NMNAT3: variants seen among roughly 807,000 people sequenced by gnomAD.
The protein encoded by NMNAT3 is nicotinamide nucleotide adenylyltransferase 3, also known as nicotinamide/nicotinic acid mononucleotide adenylyltransferase 3.
NMNAT3 carries 21 observed loss-of-function variants against 24.8 expected under a neutral mutation model. The ratio of observed to expected loss-of-function variants is 0.85; its 90% CI spans 0.60 to 1.22. The LOEUF (loss-of-function observed/expected upper bound fraction) is 1.22. Ranked by LOEUF, NMNAT3 falls within the 50% of genes most tolerant of loss-of-function variation. The pLI, the probability that NMNAT3 is intolerant of heterozygous loss-of-function variation, is 0.00. For missense variants in NMNAT3, 387 were observed against 436.6 expected, an observed-to-expected ratio of 0.89 and a Z score of 1.01; for synonymous variants, 136 against 155.2, an observed-to-expected ratio of 0.88 and a Z score of 0.92.
intron 3 of NMNAT3, among the ~76,000 whole-genome samples, chr3:139,623,789 G>A (rs1299982849): frequency 6.6e-6 from 1 of 152,148 alleles, no homozygotes; most frequent in Non-Finnish European, 1.5e-5. Flanking sequence ...CACCATCTTG[G>A]CCAGGCTGGT....
chr3:139,633,064 C>A (rs532015746), intron 2 of NMNAT3, among the ~76,000 whole-genome samples: 32 of 152,240 alleles, frequency 2.1e-4, no homozygotes, highest in African/African-American at 7.2e-4. Context: ...CGGCCCCTAG[C>A]TGCTGGAGAA....
intron 1 of NMNAT3, among the ~76,000 whole-genome samples, chr3:139,650,193 T>A (rs545432065): frequency 6.6e-6 from 1 of 152,224 alleles, no homozygotes. Flanking sequence ...CTCTTCTCCA[T>A]ATAATATGAA....
chr3:139,582,190 C>CAAAAAAAAAAAAAAAAAAAA (rs756159164), intron 4 of NMNAT3, among the ~76,000 whole-genome samples: 4 of 23,070 alleles, frequency 1.7e-4, no homozygotes, highest in East Asian at 1.4e-3. Flanking sequence ...GACTCCCTCT[C>CAAAAAAAAAAAAAAAAAAAA]AAAAAAAAAA....
Position 139,662,548 on chromosome 3 carries a change from C to T in NMNAT3, c.-141+15157G>A, listed in dbSNP as rs549655491. 5.9e-5 allele frequency among the ~76,000 whole-genome samples: 9 copies of T among 152,270 alleles called. No homozygotes were observed. The South Asian group carries it at 1.7e-3, about 28-fold the overall frequency. ...TTAGGGTGATGGCCAGGCAGAAGCTCAGGGGTCAAAGAGAGGCCCACATCC... is the reference window on the plus strand; with the variant it reads ...TTAGGGTGATGGCCAGGCAGAAGCTTAGGGGTCAAAGAGAGGCCCACATCC... On this transcript the variant is annotated intron_variant, in intron 1 of 6. Coordinates refer to ENST00000643695, the MANE Select transcript of NMNAT3 (RefSeq NM_001320510.2).
chr3:139,579,919 A>T (rs2108098353), intron 4 of NMNAT3, among the ~76,000 whole-genome samples: 1 of 152,228 alleles, frequency 6.6e-6, no homozygotes, highest in African/African-American at 2.4e-5. Flanking sequence ...GGTAAATTGC[A>T]TTGATTAATT....
chr3:139,574,832 G>A (rs954467501), intron 5 of NMNAT3, among the ~76,000 whole-genome samples: 3 of 152,142 alleles, frequency 2.0e-5, no homozygotes, highest in Non-Finnish European at 1.5e-5. Context: ...CAAATGCTGG[G>A]GAAGTGGCCT....
chr3:139,604,017 T>C (rs1300284720), intron 3 of NMNAT3, among the ~76,000 whole-genome samples: 1 of 152,234 alleles, frequency 6.6e-6, no homozygotes, highest in Non-Finnish European at 1.5e-5. Context: ...CATGGTATCA[T>C]AGCAGAATCC....
At chr3:139,596,950 A>ATT (rs1576609739) in intron 3 of NMNAT3, among the ~76,000 whole-genome samples, 2 of 75,304 alleles carry the variant, frequency 2.7e-5, no homozygotes, top group East Asian at 1.1e-3. Flanking sequence ...ATATATATAT[A>ATT]TATATATATA....
intron 3 of NMNAT3, among the ~76,000 whole-genome samples, chr3:139,586,469 C>A (rs971401371): frequency 6.6e-6 from 1 of 151,824 alleles, no homozygotes; most frequent in African/African-American, 2.4e-5. Context: ...AGGCTGCCCC[C>A]CTGGAAACTG....
intron 3 of NMNAT3, among the ~76,000 whole-genome samples, chr3:139,599,922 C>T (rs1233398473): frequency 1.3e-5 from 2 of 152,176 alleles, no homozygotes; most frequent in Non-Finnish European, 2.9e-5. Flanking sequence ...CAGGTCTTCC[C>T]ATTACTCCAA....
chr3:139,591,277 G>A lies in NMNAT3; in HGVS notation c.110-8069C>T, dbSNP rs1244273721. Among the ~76,000 whole-genome samples, 3 of 151,822 alleles carry A rather than the reference G, an allele frequency of 2.0e-5. No homozygotes were observed. In the South Asian group the frequency reaches 6.2e-4, roughly 32 times the overall value. On this transcript the variant is annotated intron_variant, in intron 3 of 6. Coordinates refer to ENST00000643695, the MANE Select transcript of NMNAT3 (RefSeq NM_001320510.2). Reference sequence around the variant, plus strand: ...TTTTCAGACCGGCTTAAGAAACGGCGCACGACGAGACTATATCCCACACCT... The same window carrying A: ...TTTTCAGACCGGCTTAAGAAACGGCACACGACGAGACTATATCCCACACCT...
At chr3:139,562,499 C>G (rs1348778590) in intron 6 of NMNAT3, among the ~76,000 whole-genome samples, 1 of 152,230 alleles carries the variant, frequency 6.6e-6, no homozygotes, top group Admixed American at 6.5e-5. Flanking sequence ...TCCCAGAGTA[C>G]TGGCCCCTGT....
chr3:139,566,609 T>C (rs1435640612), intron 6 of NMNAT3: 4 of 152,152 alleles, frequency 2.6e-5, no homozygotes, highest in Admixed American at 6.5e-5. Flanking sequence ...GCACCATTTA[T>C]TAAATAGGGA....
chr3:139,616,323 C>G (rs1049396421), intron 3 of NMNAT3, among the ~76,000 whole-genome samples: 1 of 152,154 alleles, frequency 6.6e-6, no homozygotes, highest in Non-Finnish European at 1.5e-5. Flanking sequence ...TACTCTGGTT[C>G]CTCCTATTTC....
intron 3 of NMNAT3, among the ~76,000 whole-genome samples, chr3:139,590,543 A>G (rs973107366): frequency 6.6e-6 from 1 of 152,194 alleles, no homozygotes; most frequent in African/African-American, 2.4e-5. Flanking sequence ...ACCAGAGAAA[A>G]CATCTGAAAG....
intron 3 of NMNAT3, among the ~76,000 whole-genome samples, chr3:139,585,222 T>C (rs2053884591): frequency 6.6e-6 from 1 of 152,206 alleles, no homozygotes; most frequent in Admixed American, 6.5e-5. Context: ...TTTGTCTATT[T>C]TGCCTTTCAG....
intron 1 of NMNAT3, among the ~76,000 whole-genome samples, chr3:139,676,573 G>A (rs1295882157): frequency 6.6e-6 from 1 of 152,204 alleles, no homozygotes; most frequent in African/African-American, 2.4e-5. Flanking sequence ...CAGTGGGTAA[G>A]AACCCTTTCT....
intron 3 of NMNAT3, among the ~76,000 whole-genome samples, chr3:139,605,468 G>A (rs1440121409): frequency 6.6e-6 from 1 of 152,112 alleles, no homozygotes. Context: ...GCTGGGAGCA[G>A]GGGAGTTCTG....
intron 1 of NMNAT3, among the ~76,000 whole-genome samples, chr3:139,675,959 G>T (rs1287470512): frequency 2.0e-5 from 3 of 152,202 alleles, no homozygotes; most frequent in African/African-American, 7.2e-5. Flanking sequence ...TGAGTGAGCT[G>T]CCCAGGGTCA....
Sources: gnomAD v4.1 joint callset for allele counts (sites outside exome capture counted in the v4.1 genomes callset) on GRCh38, gnomAD v4.1.1 for gene constraint, MANE v1.5 for transcripts, NCBI Gene and HGNC (gene_info 2026-07-23, HGNC 2026-07-21) for gene names.